Variants in MYO1A observed in about 807,000 individuals in gnomAD.
MYO1A encodes unconventional myosin-Ia.
A neutral mutation model predicts 138.5 loss-of-function variants in MYO1A; 127 were observed. The observed-to-expected ratio is 0.92, with a 90% CI of 0.79 to 1.06. MYO1A has a LOEUF of 1.06. Among genes scored for constraint, MYO1A ranks in the 50% least tolerant of loss-of-function variants. The pLI is 0.00. For synonymous variants in MYO1A, 477 were observed against 497.5 expected, an observed-to-expected ratio of 0.96 and a Z score of 0.55; for missense variants, 1,211 against 1,288.8, an observed-to-expected ratio of 0.94 and a Z score of 0.92.
rs2030978694 is a variant in MYO1A, at chr12:57,043,973, C to T, written c.775G>A (p.Glu259Lys). 1 of 1,614,166 alleles carries T rather than the reference C, an allele frequency of 6.2e-7. No individual in the cohort carries two copies. The highest frequency in any genetic ancestry group is 8.5e-7 in the Non-Finnish European group (1 of 1,180,012). Residue 259 changes from glutamate to lysine, a missense_variant, in exon 10 of 28, where the codon GAG becomes AAG. Transcript: ENST00000300119. ...SAMAVIGFSE[E>K]EIRQVLEVTS... ...ACCTCTAGCACTTGTCGAATCTCCT[C>T]CTCCGAGAACCCAATCACTGCCATT...
chr12:57,028,802 G>A lies in MYO1A; in HGVS notation c.3085C>T (p.Arg1029Cys), dbSNP rs763905867. 31 of 1,613,434 alleles carry A rather than the reference G, an allele frequency of 1.9e-5. No individual in the cohort carries two copies. Among genetic ancestry groups the A allele is most frequent in the East Asian group, 4.5e-5 (2 of 44,882 alleles). ...GPAGGDNSKLRYKKKGSHCLE... is the reference protein window; with the variant it reads ...GPAGGDNSKLCYKKKGSHCLE... ...CAATGACTCCCCTTTTTTTTGTAGCGTAGCTTGCTGTTGTCACCACCTGCA... is the reference window on the plus strand; with the variant it reads ...CAATGACTCCCCTTTTTTTTGTAGCATAGCTTGCTGTTGTCACCACCTGCA... The change falls in exon 28 of 28, where the codon CGC becomes TGC. Residue 1029 changes from arginine to cysteine, a missense_variant. Arg to Cys is a radical substitution (Grantham distance 180, BLOSUM62 -3). Coordinates refer to ENST00000300119, the MANE Select transcript of MYO1A (RefSeq NM_005379.4).
At chr12:57,040,978 T>C (rs1460599433) in intron 14 of MYO1A, among the ~76,000 whole-genome samples, 1 of 152,200 alleles carries the variant, frequency 6.6e-6, no homozygotes, top group East Asian at 1.9e-4. Flanking sequence ...ACATGTACCC[T>C]GGGAGGCCAG....
At position 57,038,033 on chromosome 12, in the gene MYO1A, C is replaced by G; in HGVS notation, c.1797G>C (p.Gln599His). The change falls in exon 18 of 28, where the codon CAG (glutamine) becomes CAC (histidine). Residue 599 changes from glutamine (Q) to histidine (H), a missense_variant. Transcript: ENST00000300119. ...IKPNEHQQRGQFSSDLVATQA... is the reference protein window; with the variant it reads ...IKPNEHQQRGHFSSDLVATQA... ...GGGTTGCCACCAGGTCTGAAGAGAACTGACCTCGCTGCTGATGCTCATTGG... is the reference window on the plus strand; with the variant it reads ...GGGTTGCCACCAGGTCTGAAGAGAAGTGACCTCGCTGCTGATGCTCATTGG... 6.2e-7 allele frequency: 1 copy of G among 1,614,116 alleles called. No homozygotes were observed. The highest frequency in any genetic ancestry group is 2.2e-5 in the East Asian group (1 of 44,884).
intron 22 of MYO1A, among the ~76,000 whole-genome samples, chr12:57,032,772 T>C (rs2030346289): frequency 6.6e-6 from 1 of 152,172 alleles, no homozygotes; most frequent in Non-Finnish European, 1.5e-5. Context: ...ATGGGCCTTG[T>C]AGGCTGTGGT....
At position 57,043,877 on chromosome 12, in the gene MYO1A, T is replaced by C. The variant is rs2030974489; in HGVS notation, c.871A>G (p.Ser291Gly). The stretch of plus-strand genomic sequence containing the variant: ...AGACCTCTCCCATCACGGATGCCAC[T>C]TGCTGGTATCCCACTGGCCTGGAAC... ...DEFQASGIPA[S>G]GIRDGRGVRE... Residue 291 changes from serine (S) to glycine (G), a missense_variant, in exon 10 of 28, where the codon AGT (serine) becomes GGT (glycine). Transcript: ENST00000300119. The C allele has an allele frequency of 1.9e-6, 3 of 1,614,080 alleles. No homozygotes were observed. The highest frequency in any genetic ancestry group is 2.5e-6 in the Non-Finnish European group (3 of 1,179,992).
intron 26 of MYO1A, 72 bp downstream of exon 26, chr12:57,029,363 T>C (rs1427474676): frequency 7.4e-6 from 12 of 1,613,250 alleles, no homozygotes; most frequent in African/African-American, 1.3e-5. Context: ...CCCCATCACC[T>C]CCAGCCTGCC....
chr12:57,030,271 G>A lies in MYO1A; in HGVS notation c.2530C>T (p.Leu844=), dbSNP rs373322155. ...TCACTGGCACAGAGCTTTTCCCTCAGGATCTCTACCTGCTTCGGGGACAGC... is the reference window on the plus strand; with the variant it reads ...TCACTGGCACAGAGCTTTTCCCTCAAGATCTCTACCTGCTTCGGGGACAGC... ...DQLSPKQVEI[L]REKLCASELF... The change falls in exon 24 of 28, where the codon CTG becomes TTG. Residue 844 remains leucine, a synonymous_variant. Transcript: ENST00000300119. 9.3e-6 allele frequency: 15 copies of A among 1,614,054 alleles called. No individual in the cohort carries two copies. In the African/African-American group the frequency reaches 1.5e-4, roughly 16 times the overall value.
chr12:57,038,762 G>T (rs372597280), intron 16 of MYO1A, 47 bp downstream of exon 16: 2 of 1,612,704 alleles, frequency 1.2e-6, no homozygotes, highest in Middle Eastern at 1.7e-4. Flanking sequence ...ATTGACTTCA[G>T]TCTGGGCCTG....
At chr12:57,036,417 G>A (rs777637113) in intron 21 of MYO1A, 36 bp from the exon 22 acceptor site, 1 of 1,592,180 alleles carries the variant, frequency 6.3e-7, no homozygotes, top group Non-Finnish European at 8.6e-7. Context: ...CCAAAGTGAA[G>A]ATAGGCAGAT....
chr12:57,044,558 T>G (rs1199280152), intron 8 of MYO1A, among the ~76,000 whole-genome samples: 1 of 152,074 alleles, frequency 6.6e-6, no homozygotes, highest in African/African-American at 2.4e-5. Context: ...CTGGCTAATT[T>G]TGGTATTTTT....
rs761861596 is a variant in MYO1A at position 57,029,535 on chromosome 12, GTGTC to G, written c.2773_2776del (p.Asp925ProfsTer12). On this transcript the variant is annotated frameshift_variant, in exon 26 of 28. Transcript: ENST00000300119. LOFTEE classifies it high-confidence loss of function. ...GACAATTTTGGCCTGGGACTTCTTGGTGTCTGTGAGAATCACATGGCCCTTGGTC... is the reference window on the plus strand; with the variant it reads ...GACAATTTTGGCCTGGGACTTCTTGGTGTGAGAATCACATGGCCCTTGGTC... 4 of 1,614,072 alleles carry G rather than the reference GTGTC, an allele frequency of 2.5e-6. No homozygotes were observed. The African/African-American group carries it at 5.3e-5, about 22-fold the overall frequency.
chr12:57,036,723 C>A (rs745819347), intron 21 of MYO1A, 49 bp downstream of exon 21: 26 of 1,606,218 alleles, frequency 1.6e-5, no homozygotes, highest in Non-Finnish European at 2.0e-5. Flanking sequence ...GCAGGTGACA[C>A]AATCCAGGAG....
chr12:57,038,082 G>T lies in MYO1A; in HGVS notation c.1761-13C>A, dbSNP rs1275691400. The T allele has an allele frequency of 6.2e-7, 1 of 1,613,410 alleles. No homozygotes were observed. Among genetic ancestry groups the T allele is most frequent in the Non-Finnish European group, 8.5e-7 (1 of 1,179,958 alleles). ...GGGCTTTATGCACCTGGTGGGAGGT[G>T]GGGTAAGGCACAGCCTTCAGGAGCT... On this transcript the variant is annotated splice_polypyrimidine_tract_variant and intron_variant, in intron 17 of 27. Transcript: ENST00000300119.
Position 57,029,261 on chromosome 12 carries a change from T to C in MYO1A, c.2878-2A>G, listed in dbSNP as rs751587996. 3 of 1,614,012 alleles carry C rather than the reference T, an allele frequency of 1.9e-6. No homozygotes were observed. Among genetic ancestry groups the C allele is most frequent in the East Asian group, 4.5e-5 (2 of 44,878 alleles). ...CCCCTTGGAGCCCACCGATGACATC[T>C]TAGGAAGAGGGAAAAATAGCAGGAA... is the stretch of plus-strand genomic sequence containing the variant. On this transcript the variant is annotated splice_acceptor_variant, in intron 26 of 27. Coordinates refer to ENST00000300119, the MANE Select transcript of MYO1A (RefSeq NM_005379.4). LOFTEE classifies it high-confidence loss of function.
chr12:57,040,498 GC>G (rs1237335388), intron 14 of MYO1A, among the ~76,000 whole-genome samples: 1 of 152,176 alleles, frequency 6.6e-6, no homozygotes, highest in Non-Finnish European at 1.5e-5. Context: ...GAATTTTGAA[GC>G]ATGGGAATGT....
chr12:57,031,537 T>C (rs2030286819), intron 22 of MYO1A, among the ~76,000 whole-genome samples: 1 of 152,218 alleles, frequency 6.6e-6, no homozygotes, highest in African/African-American at 2.4e-5. Flanking sequence ...GCAGCCACTG[T>C]CTGTGTCAGC....
chr12:57,029,492 C>T lies in MYO1A; in HGVS notation c.2820G>A (p.Val940=). 6.2e-7 allele frequency: 1 copy of T among 1,614,238 alleles called. No individual in the cohort carries two copies. The highest frequency in any genetic ancestry group is 8.5e-7 in the Non-Finnish European group (1 of 1,180,044). Residue 940 remains valine, a synonymous_variant, in exon 26 of 28, where the codon GTG becomes GTA. Transcript: ENST00000300119. ...QAKIVIGLDN[V]AGVSVTSLKD... Reference sequence around the variant, plus strand: ...TGAGGCTGGTGACTGACACCCCAGCCACATTGTCTAGCCCAATGACAATTT... The same window carrying T: ...TGAGGCTGGTGACTGACACCCCAGCTACATTGTCTAGCCCAATGACAATTT...
At chr12:57,045,955 G>A (rs2031075053) in intron 8 of MYO1A, among the ~76,000 whole-genome samples, 1 of 152,190 alleles carries the variant, frequency 6.6e-6, no homozygotes, top group African/African-American at 2.4e-5. Context: ...TAAGTTCTTC[G>A]AGGACAGGGT....
intron 22 of MYO1A, among the ~76,000 whole-genome samples, chr12:57,034,816 A>G (rs1167242964): frequency 6.6e-6 from 1 of 152,130 alleles, no homozygotes; most frequent in Non-Finnish European, 1.5e-5. Context: ...TAAAAATACA[A>G]AAATTAGCTG....
Sources: gnomAD v4.1 joint callset for allele counts (sites outside exome capture counted in the v4.1 genomes callset) on GRCh38, gnomAD v4.1.1 for gene constraint, MANE v1.5 for transcripts, NCBI Gene and HGNC (gene_info 2026-07-23, HGNC 2026-07-21) for gene names.